MAPKAP1: variants seen among roughly 807,000 people sequenced by gnomAD.
MAPKAP1 encodes the protein target of rapamycin complex 2 subunit MAPKAP1.
MAPKAP1 carries 20 observed loss-of-function variants against 65.7 expected under a neutral mutation model. The observed-to-expected ratio is 0.30, with a 90% CI of 0.21 to 0.44. The LOEUF (loss-of-function observed/expected upper bound fraction) is 0.44. Ranked by LOEUF, MAPKAP1 falls within the 20% of genes least tolerant of loss-of-function variation. MAPKAP1 has a pLI of 1.00. For missense variants in MAPKAP1, 423 were observed against 648.0 expected, an observed-to-expected ratio of 0.65 and a Z score of 3.77; for synonymous variants, 222 against 244.3, an observed-to-expected ratio of 0.91 and a Z score of 0.85.
intron 10 of MAPKAP1, among the ~76,000 whole-genome samples, chr9:125,444,836 G>T (rs1252612039): frequency 6.6e-6 from 1 of 152,144 alleles, no homozygotes; most frequent in African/African-American, 2.4e-5. Flanking sequence ...GCATTCAGGG[G>T]AATGCCACGT....
intron 8 of MAPKAP1, among the ~76,000 whole-genome samples, chr9:125,493,582 C>T (rs2133057532): frequency 6.6e-6 from 1 of 152,338 alleles, no homozygotes; most frequent in Middle Eastern, 3.4e-3. Flanking sequence ...GAGGTTTGTA[C>T]ACCACCCCTT....
chr9:125,556,724 T>C (rs1229622607), intron 6 of MAPKAP1, among the ~76,000 whole-genome samples: 4 of 152,198 alleles, frequency 2.6e-5, no homozygotes, highest in Non-Finnish European at 5.9e-5. Context: ...TGCTGGGATT[T>C]CCTTCTCTGA....
intron 1 of MAPKAP1, among the ~76,000 whole-genome samples, chr9:125,701,327 A>G (rs1012573097): frequency 2.0e-5 from 3 of 152,238 alleles, no homozygotes; most frequent in African/African-American, 7.2e-5. Context: ...AGTATACTCA[A>G]GTATAGGATA....
chr9:125,510,284 A>G (rs550383795), intron 7 of MAPKAP1, among the ~76,000 whole-genome samples: 1 of 152,336 alleles, frequency 6.6e-6, no homozygotes, highest in South Asian at 2.1e-4. Context: ...CCAATTATAA[A>G]AAGGCCATAG....
chr9:125,668,779 G>C (rs764526649), intron 3 of MAPKAP1, among the ~76,000 whole-genome samples: 1 of 152,168 alleles, frequency 6.6e-6, no homozygotes, highest in Non-Finnish European at 1.5e-5. Context: ...TACACTAAGG[G>C]AAAAGAATTT....
Position 125,698,306 on chromosome 9 carries a change from T to TAAA in MAPKAP1, c.-70+8664_-70+8665insTTT, listed in dbSNP as rs1835478863. ...ATATATAAATATATATATATATATA[T>TAAA]ATATATATATATATATATATATATA... is the stretch of plus-strand genomic sequence containing the variant. On this transcript the variant is annotated intron_variant, in intron 1 of 11. Transcript: ENST00000265960. 2.1e-3 allele frequency among the ~76,000 whole-genome samples: 93 copies of TAAA among 44,272 alleles called. 2 individuals carry two copies. The highest frequency in any genetic ancestry group is 8.9e-3 in the Admixed American group (32 of 3,590). 29.0% of individuals were successfully genotyped at this position (44,272 alleles called of 152,430 possible). A position where few individuals can be genotyped will look rare whatever the true frequency, so the allele number is the denominator to read the frequency against.
chr9:125,506,601 A>C (rs1451723203), intron 7 of MAPKAP1, among the ~76,000 whole-genome samples, 184 bp from the exon 8 acceptor site: 1 of 152,216 alleles, frequency 6.6e-6, no homozygotes, highest in Non-Finnish European at 1.5e-5. Context: ...CACATTCTTC[A>C]CTGTTCTATT....
At position 125,577,167 on chromosome 9, in the gene MAPKAP1, T is replaced by C. The variant is rs368498668; in HGVS notation, c.671+8388A>G. On this transcript the variant is annotated intron_variant, in intron 5 of 11. Coordinates refer to ENST00000265960, the MANE Select transcript of MAPKAP1 (RefSeq NM_001006617.3). ...TGAGATGTGGGGAGCGCCTCTGCCC[T>C]GCCGCCCCGTCCGGGATGTGAGGAG... 5.1e-3 allele frequency among the ~76,000 whole-genome samples: 734 copies of C among 145,022 alleles called. 4 individuals are homozygous for C. Among genetic ancestry groups the C allele is most frequent in the African/African-American group, 0.018 (694 of 38,296 alleles).
intron 1 of MAPKAP1, among the ~76,000 whole-genome samples, chr9:125,680,428 T>C (rs1481827795): frequency 1.3e-5 from 2 of 152,182 alleles, no homozygotes; most frequent in African/African-American, 4.8e-5. Flanking sequence ...TGCTTTTAAA[T>C]CTCTTTCTCT....
At chr9:125,534,093 C>G (rs998869706) in intron 7 of MAPKAP1, among the ~76,000 whole-genome samples, 18 of 152,128 alleles carry the variant, frequency 1.2e-4, no homozygotes, top group African/African-American at 4.1e-4. Flanking sequence ...TTCATGAGTT[C>G]ACTTAACAAG....
At chr9:125,691,121 C>T (rs1169418033) in intron 1 of MAPKAP1, among the ~76,000 whole-genome samples, 3 of 152,112 alleles carry the variant, frequency 2.0e-5, no homozygotes, top group East Asian at 1.9e-4. Flanking sequence ...ATTAGCCGGG[C>T]GTGGTGGCGG....
chr9:125,455,786 G>A (rs1853141340), intron 10 of MAPKAP1, among the ~76,000 whole-genome samples: 1 of 152,218 alleles, frequency 6.6e-6, no homozygotes, highest in Non-Finnish European at 1.5e-5. Flanking sequence ...TGCTGGAAAA[G>A]GTCTCTCTTG....
chr9:125,494,556 G>C (rs900013292), intron 8 of MAPKAP1, among the ~76,000 whole-genome samples: 1 of 152,180 alleles, frequency 6.6e-6, no homozygotes, highest in Non-Finnish European at 1.5e-5. Flanking sequence ...AACAGTTTCA[G>C]GTTTGTAGAA....
At chr9:125,700,054 C>T (rs1835549258) in intron 1 of MAPKAP1, among the ~76,000 whole-genome samples, 2 of 152,158 alleles carry the variant, frequency 1.3e-5, no homozygotes, top group South Asian at 4.1e-4. Flanking sequence ...ATTACTGTCC[C>T]CATTTTGCAG....
At chr9:125,615,274 T>C (rs997860496) in intron 4 of MAPKAP1, among the ~76,000 whole-genome samples, 15 of 152,272 alleles carry the variant, frequency 9.9e-5, no homozygotes, top group Non-Finnish European at 2.1e-4. Flanking sequence ...ATAGGTCACT[T>C]AAATGATATA....
chr9:125,559,119 T>C (rs992487278), intron 6 of MAPKAP1: 1 of 152,270 alleles, frequency 6.6e-6, no homozygotes, highest in Non-Finnish European at 1.5e-5. Context: ...AATACTTTTA[T>C]ATTCCAGTGG....
At chr9:125,693,721 G>GTATATATACACATATATACACGTA (rs1491508540) in intron 1 of MAPKAP1, among the ~76,000 whole-genome samples, 1 of 58,920 alleles carries the variant, frequency 1.7e-5, no homozygotes, top group African/African-American at 3.9e-5. Flanking sequence ...ATATATACAC[G>GTATATATACACATATATACACGTA]TATATACACA....
At chr9:125,599,810 G>T (rs961428148) in intron 4 of MAPKAP1, 3 of 152,138 alleles carry the variant, frequency 2.0e-5, no homozygotes, top group African/African-American at 7.2e-5. Flanking sequence ...TGCCATGTTG[G>T]CCAGGCTGTT....
At chr9:125,622,887 G>A (rs532226475) in intron 4 of MAPKAP1, among the ~76,000 whole-genome samples, 2 of 151,964 alleles carry the variant, frequency 1.3e-5, no homozygotes, top group East Asian at 1.9e-4. Flanking sequence ...CTGCCATCTC[G>A]GCTCACTGCA....
Sources: allele counts gnomAD v4.1 joint callset (sites outside exome capture counted in the v4.1 genomes callset), GRCh38; gene constraint gnomAD v4.1.1; transcripts MANE v1.5; gene names NCBI Gene and HGNC (gene_info 2026-07-23, HGNC 2026-07-21).